The following SHC3 variants were observed in gnomAD, a reference collection of about 807,000 sequenced individuals.
The protein encoded by SHC3 is SHC adaptor protein 3.
Under a neutral mutation model 60.4 loss-of-function variants are expected in SHC3, and 15 were observed. That is an observed-to-expected ratio of 0.25 (90% CI 0.17 to 0.38). The LOEUF (loss-of-function observed/expected upper bound fraction) is 0.38. Among genes scored for constraint, SHC3 ranks in the 10% least tolerant of loss-of-function variants. SHC3 has a pLI of 1.00. For missense variants in SHC3, 677 were observed against 786.1 expected (o/e 0.86, Z 1.66); for synonymous variants, 294 against 325.9 (o/e 0.90, Z 1.05).
At chr9:89,154,077 AC>A (rs1411428714) in intron 1 of SHC3, among the ~76,000 whole-genome samples, 7 of 152,124 alleles carry the variant, frequency 4.6e-5, no homozygotes, top group African/African-American at 1.4e-4. Context: ...AGCTAGTCCA[AC>A]CCTTGGCCAT....
rs1307810577 is a variant in SHC3 at position 89,008,305 on chromosome 9, A to C, written c.*5142T>G. 1 of 152,186 alleles carries C rather than the reference A, an allele frequency of 6.6e-6. No homozygotes were observed. The highest frequency in any genetic ancestry group is 1.5e-5 in the Non-Finnish European group (1 of 68,038). The allele number at this position is 152,186 out of a possible 1,614,324, so 9.4% of individuals were successfully genotyped here. A position where few individuals can be genotyped will look rare whatever the true frequency, so the allele number is the denominator to read the frequency against. ...TTAAATTCACAGCACGGACCCTGGG[A>C]TCTGTGACATGAAGTGGTGTGAAAG... is the stretch of plus-strand genomic sequence containing the variant. On this transcript the variant is annotated 3_prime_UTR_variant, in exon 12 of 12. Transcript: ENST00000375835.
intron 1 of SHC3, among the ~76,000 whole-genome samples, chr9:89,150,727 G>A (rs749636354): frequency 2.9e-4 from 44 of 152,114 alleles, no homozygotes; most frequent in Non-Finnish European, 5.6e-4. Flanking sequence ...ATATACCTGT[G>A]AGTGGAATTG....
chr9:89,096,007 G>A (rs1825695990), intron 2 of SHC3, among the ~76,000 whole-genome samples: 1 of 152,076 alleles, frequency 6.6e-6, no homozygotes, highest in African/African-American at 2.4e-5. Context: ...AAGGCTCTGT[G>A]GGCGTCTGGC....
chr9:89,046,906 G>A lies in SHC3; in HGVS notation c.1051C>T (p.Pro351Ser), dbSNP rs752197758. Residue 351 changes from proline (P) to serine (S), a missense_variant, in exon 8 of 12, where the codon CCT (proline) becomes TCT (serine). Physicochemically the swap from Pro to Ser is moderately conservative, Grantham distance 74. Transcript: ENST00000375835. ...CTAGTATCAAGAAAGCCCCCTGGAG[G>A]AGGCATCTTGCTTGGGATGCTGTTG... ...YYNSIPSKMP[P>S]PGGFLDTRLK... The A allele has an allele frequency of 8.1e-6, 13 of 1,610,946 alleles. No homozygotes were observed. The highest frequency in any genetic ancestry group is 1.1e-5 in the Non-Finnish European group (13 of 1,178,694).
chr9:89,125,086 G>C (rs905575481), intron 1 of SHC3, among the ~76,000 whole-genome samples: 3 of 152,020 alleles, frequency 2.0e-5, no homozygotes, highest in Admixed American at 6.6e-5. Flanking sequence ...TTCAAGGAAG[G>C]GTACCATGGA....
chr9:89,058,260 C>T (rs1228045574), intron 6 of SHC3, among the ~76,000 whole-genome samples: 2 of 144,098 alleles, frequency 1.4e-5, no homozygotes, highest in Admixed American at 6.9e-5. Context: ...TGGCATAGGA[C>T]GTGGTGGAAG....
At chr9:89,020,847 G>T (rs908959882) in intron 11 of SHC3, among the ~76,000 whole-genome samples, 5 of 152,222 alleles carry the variant, frequency 3.3e-5, no homozygotes, top group African/African-American at 9.6e-5. Flanking sequence ...TTGTGTGTCT[G>T]GGTGGAGCTC....
intron 1 of SHC3, among the ~76,000 whole-genome samples, chr9:89,157,912 C>T (rs1340307473): frequency 2.0e-5 from 3 of 152,016 alleles, no homozygotes; most frequent in Non-Finnish European, 4.4e-5. Flanking sequence ...AGGTGTGAGC[C>T]ACCATGCCCA....
chr9:89,139,858 A>G (rs1310260429), intron 1 of SHC3, among the ~76,000 whole-genome samples: 1 of 152,238 alleles, frequency 6.6e-6, no homozygotes, highest in African/African-American at 2.4e-5. Context: ...ATGGCTCTCC[A>G]TATGTCCCTA....
intron 11 of SHC3, among the ~76,000 whole-genome samples, chr9:89,017,912 A>G (rs997662746): frequency 2.0e-5 from 3 of 152,254 alleles, no homozygotes; most frequent in Non-Finnish European, 4.4e-5. Flanking sequence ...ATCAGTGGTG[A>G]TTACAGAAAT....
intron 2 of SHC3, among the ~76,000 whole-genome samples, chr9:89,108,264 G>T (rs1482654583): frequency 2.0e-5 from 3 of 152,000 alleles, no homozygotes; most frequent in Non-Finnish European, 4.4e-5. Context: ...TGTAATCCCA[G>T]CACTTTGGGA....
chr9:89,016,621 T>C (rs920864043), intron 11 of SHC3, among the ~76,000 whole-genome samples: 7 of 152,214 alleles, frequency 4.6e-5, no homozygotes, highest in Non-Finnish European at 8.8e-5. Context: ...TTCAATTCCC[T>C]ACAATCTTTC....
At chr9:89,043,316 T>C (rs971406334) in intron 9 of SHC3, among the ~76,000 whole-genome samples, 6 of 152,238 alleles carry the variant, frequency 3.9e-5, no homozygotes, top group Admixed American at 6.5e-5. Flanking sequence ...TCTACTCTCC[T>C]ATTTCTCAAC....
intron 1 of SHC3, among the ~76,000 whole-genome samples, chr9:89,163,673 A>G (rs1449365959): frequency 6.6e-6 from 1 of 151,002 alleles, no homozygotes; most frequent in Non-Finnish European, 1.5e-5. Context: ...GCAGCGCACC[A>G]GCATGGCACA....
intron 6 of SHC3, among the ~76,000 whole-genome samples, chr9:89,058,424 GTGGTGGAGGATGGTGGTGGAGGATGA>G (rs1290388086): frequency 6.7e-6 from 1 of 150,130 alleles, no homozygotes; most frequent in Non-Finnish European, 1.5e-5. Flanking sequence ...GGTATAGGAT[GTGGTGGAGGATGGTGGTGGAGGATGA>G]TGGTGGAGGA....
At chr9:89,154,294 G>A (rs1022928534) in intron 1 of SHC3, among the ~76,000 whole-genome samples, 7 of 152,080 alleles carry the variant, frequency 4.6e-5, no homozygotes, top group African/African-American at 1.7e-4. Context: ...TGTGGCCCAG[G>A]GAAGCCAAAA....
chr9:89,042,106 G>A lies in SHC3; in HGVS notation c.1280C>T (p.Thr427Ile), dbSNP rs1476693191. The A allele has an allele frequency of 2.5e-6, 4 of 1,591,624 alleles. No individual in the cohort carries two copies. The highest frequency in any genetic ancestry group is 3.4e-6 in the Non-Finnish European group (4 of 1,173,852). ...CCAGGCCTGTGGTGGGATCTGCTGAGTGTTGACGTAGGTGGGTGCTTCTCC... is the reference window on the plus strand; with the variant it reads ...CCAGGCCTGTGGTGGGATCTGCTGAATGTTGACGTAGGTGGGTGCTTCTCC... The part of the protein sequence containing the change: ...PTGEAPTYVN[T>I]QQIPPQAWPA... Residue 427 changes from threonine to isoleucine, a missense_variant, in exon 10 of 12, where the codon ACT (threonine) becomes ATT (isoleucine). Coordinates refer to ENST00000375835, the MANE Select transcript of SHC3 (RefSeq NM_016848.6).
rs1471046151 is a variant in SHC3 at position 89,037,647 on chromosome 9, T to C, written c.1656+346A>G. ...TCGAGATAAGCATTCAAGATAAATA[T>C]TAAAAGCCTAGGAGCCTGTACTTCC... On this transcript the variant is annotated intron_variant, in intron 11 of 11. Coordinates refer to ENST00000375835, the MANE Select transcript of SHC3 (RefSeq NM_016848.6). The C allele has an allele frequency of 1.5e-5, 10 of 658,090 alleles. No homozygotes were observed. In the African/African-American group the frequency reaches 1.8e-4, roughly 12 times the overall value. 40.8% of individuals were successfully genotyped at this position (658,090 alleles called of 1,614,324 possible).
At chr9:89,111,932 T>C (rs1013570747) in intron 2 of SHC3, among the ~76,000 whole-genome samples, 4 of 152,240 alleles carry the variant, frequency 2.6e-5, no homozygotes, top group Non-Finnish European at 5.9e-5. Context: ...GGCTTGAAAC[T>C]GGCATTTTTC....
Sources: allele counts gnomAD v4.1 joint callset (sites outside exome capture counted in the v4.1 genomes callset), GRCh38; gene constraint gnomAD v4.1.1; transcripts MANE v1.5; gene names NCBI Gene and HGNC (gene_info 2026-07-23, HGNC 2026-07-21).